The following MBNL3 variants were observed in gnomAD, a reference collection of about 807,000 sequenced individuals.
The protein encoded by MBNL3 is muscleblind like splicing regulator 3, also known as muscleblind-like protein 3.
Under a neutral mutation model 24.5 loss-of-function variants are expected in MBNL3, and 6 were observed. The observed-to-expected ratio is 0.25, with a 90% confidence interval of 0.13 to 0.48. The LOEUF (loss-of-function observed/expected upper bound fraction) is 0.48. Ranked by LOEUF, MBNL3 falls within the 20% of genes least tolerant of loss-of-function variation. The pLI is 0.99. For synonymous variants in MBNL3, 100 were observed against 101.7 expected (o/e 0.98, Z 0.10); for missense variants, 230 against 293.5 (o/e 0.78, Z 1.58).
In MBNL3 at chrX:132,372,491, AAAT is replaced by A. The variant is rs1933709057; in HGVS notation, c.*7172_*7174del. 9.3e-6 allele frequency: 1 copy of A among 107,835 alleles called. No individual in the cohort carries two copies. Among genetic ancestry groups the A allele is most frequent in the African/African-American group, 3.3e-5 (1 of 30,187 alleles). The allele number at this position is 107,835 out of a possible 1,213,427, so 8.9% of individuals were successfully genotyped here. ...AAATATTATTAATATTATAATATTA[AAAT>A]AATATTAAAATATTAATAAATAAGT... On this transcript the variant is annotated 3_prime_UTR_variant, in exon 9 of 9. Coordinates refer to ENST00000370853, the MANE Select transcript of MBNL3 (RefSeq NM_001386889.1).
rs185215752 is a variant in MBNL3 at position 132,461,804 on chromosome X, T to C, written c.-703-21490A>G. Among the ~76,000 whole-genome samples the C allele has an allele frequency of 2.4e-4, 27 of 111,767 alleles. No homozygotes were observed. The East Asian group carries it at 6.4e-3, about 27-fold the overall frequency. On this transcript the variant is annotated intron_variant, in intron 1 of 8. Transcript: ENST00000370853. Reference sequence around the variant, plus strand: ...GGAATATGGTATATCTAACAAGATATCCCAAGTGCAAAGCACTACATTGAT... The same window carrying C: ...GGAATATGGTATATCTAACAAGATACCCCAAGTGCAAAGCACTACATTGAT...
At chrX:132,475,324 G>A (rs1947380943) in intron 1 of MBNL3, among the ~76,000 whole-genome samples, 1 of 111,843 alleles carries the variant, frequency 8.9e-6, no homozygotes, top group Non-Finnish European at 1.9e-5. Flanking sequence ...GATTAGTGTT[G>A]GCTTGATTTA....
intron 1 of MBNL3, among the ~76,000 whole-genome samples, chrX:132,440,895 A>G (rs1311995891): frequency 2.7e-5 from 3 of 112,880 alleles, no homozygotes; most frequent in Non-Finnish European, 5.6e-5. Context: ...AGCTCTGAGT[A>G]TTAGAAAAAT....
At chrX:132,400,503 G>T (rs753132420) in intron 3 of MBNL3, among the ~76,000 whole-genome samples, 1 of 111,992 alleles carries the variant, frequency 8.9e-6, no homozygotes, top group Admixed American at 9.5e-5. Flanking sequence ...GATATGTGGG[G>T]TCTGAAGCTT....
At chrX:132,430,787 T>C (rs184469265) in intron 2 of MBNL3, 2 of 112,083 alleles carry the variant, frequency 1.8e-5, no homozygotes, top group East Asian at 5.6e-4. Context: ...TTTATTTATT[T>C]TAGAAACAGG....
chrX:132,411,777 A>T (rs190599724), intron 2 of MBNL3, among the ~76,000 whole-genome samples: 90 of 111,576 alleles, frequency 8.1e-4, no homozygotes, highest in African/African-American at 2.9e-3. Flanking sequence ...CTCCTCTATT[A>T]GACTTTGAGC....
At chrX:132,456,909 C>A (rs1021933827) in intron 1 of MBNL3, among the ~76,000 whole-genome samples, 2 of 111,651 alleles carry the variant, frequency 1.8e-5, no homozygotes, top group Non-Finnish European at 3.8e-5. Context: ...TTAAAATCAT[C>A]ATTCAAAAGA....
At chrX:132,487,160 CTTTTTTTT>C (rs952464194) in intron 1 of MBNL3, among the ~76,000 whole-genome samples, 35 of 108,578 alleles carry the variant, frequency 3.2e-4, no homozygotes, top group African/African-American at 1.1e-3. Flanking sequence ...TTCTTTTTTT[CTTTTTTTT>C]TAAGGATGCA....
chrX:132,427,365 T>C (rs894716442), intron 2 of MBNL3, among the ~76,000 whole-genome samples: 1 of 111,525 alleles, frequency 9.0e-6, no homozygotes, highest in East Asian at 2.8e-4. Flanking sequence ...TAGAACACTT[T>C]TTTTGGTTAG....
At chrX:132,483,963 C>CA (rs1463395345) in intron 1 of MBNL3, among the ~76,000 whole-genome samples, 2 of 112,203 alleles carry the variant, frequency 1.8e-5, no homozygotes, top group African/African-American at 3.2e-5. Context: ...CAGGAGGCAT[C>CA]AGAGTCACAG....
intron 3 of MBNL3, among the ~76,000 whole-genome samples, chrX:132,396,337 T>A (rs1238588081): frequency 1.5e-5 from 1 of 65,819 alleles, no homozygotes; most frequent in Non-Finnish European, 2.5e-5. Flanking sequence ...TATATATTCA[T>A]ATATATTCAT....
chrX:132,466,185 C>T (rs903337242), intron 1 of MBNL3, among the ~76,000 whole-genome samples: 1 of 112,041 alleles, frequency 8.9e-6, no homozygotes, highest in Non-Finnish European at 1.9e-5. Flanking sequence ...AACGTTGTTC[C>T]CCCTTAGACA....
chrX:132,416,491 C>T (rs753465711), intron 2 of MBNL3, among the ~76,000 whole-genome samples: 31 of 111,102 alleles, frequency 2.8e-4, no homozygotes, highest in Non-Finnish European at 4.5e-4. Flanking sequence ...AATACAATTA[C>T]GTAGAAGGAA....
intron 3 of MBNL3, among the ~76,000 whole-genome samples, chrX:132,398,544 CA>C (rs772595161): frequency 2.4e-4 from 27 of 111,884 alleles, no homozygotes; most frequent in African/African-American, 8.8e-4. Flanking sequence ...CCAAAGTCAT[CA>C]ATTTGTATAC....
At chrX:132,421,076 C>T (rs1266996830) in intron 2 of MBNL3, among the ~76,000 whole-genome samples, 1 of 111,442 alleles carries the variant, frequency 9.0e-6, no homozygotes, top group Non-Finnish European at 1.9e-5. Context: ...TTTAGATCAT[C>T]GGTAAATTAT....
chrX:132,396,814 A>T lies in MBNL3; in HGVS notation c.343-4480T>A, dbSNP rs866979111. Among the ~76,000 whole-genome samples the T allele has an allele frequency of 6.2e-4, 13 of 21,113 alleles. 1 individual carries two copies. The highest frequency in any genetic ancestry group is 1.4e-3 in the African/African-American group (6 of 4,386). 18.3% of individuals were successfully genotyped at this position (21,113 alleles called of 115,157 possible). A position where few individuals can be genotyped will look rare whatever the true frequency, so the allele number is the denominator to read the frequency against. ...TATATATTCATATATATTCATATAT[A>T]CATATATATATTCATATATATATTC... On this transcript the variant is annotated intron_variant, in intron 3 of 8. Coordinates refer to ENST00000370853, the MANE Select transcript of MBNL3 (RefSeq NM_001386889.1).
rs956408459 is a variant in MBNL3 at position 132,375,316 on chromosome X, G to A, written c.*4350C>T. On this transcript the variant is annotated 3_prime_UTR_variant, in exon 9 of 9. Coordinates refer to ENST00000370853, the MANE Select transcript of MBNL3 (RefSeq NM_001386889.1). The stretch of plus-strand genomic sequence containing the variant: ...AAAGTTAAATTTGTTCTTAAATTGT[G>A]AACTGTAAAGGATAGTTTTGGACTA... The A allele has an allele frequency of 9.0e-6, 1 of 111,315 alleles. No homozygotes were observed. Among genetic ancestry groups the A allele is most frequent in the African/African-American group, 3.3e-5 (1 of 30,692 alleles). 9.2% of individuals were successfully genotyped at this position (111,315 alleles called of 1,213,427 possible). A position where few individuals can be genotyped will look rare whatever the true frequency, so the allele number is the denominator to read the frequency against.
At chrX:132,417,022 T>A (rs910306796) in intron 2 of MBNL3, among the ~76,000 whole-genome samples, 1 of 112,042 alleles carries the variant, frequency 8.9e-6, no homozygotes, top group Non-Finnish European at 1.9e-5. Context: ...TAACTTTCAT[T>A]TTGGGATGAA....
intron 3 of MBNL3, among the ~76,000 whole-genome samples, chrX:132,403,765 C>A: frequency 9.0e-6 from 1 of 111,451 alleles, no homozygotes; most frequent in East Asian, 2.8e-4. Context: ...TACCCCACTT[C>A]TTGCTCTCTG....
Sources: allele counts gnomAD v4.1 joint callset (sites outside exome capture counted in the v4.1 genomes callset), GRCh38; gene constraint gnomAD v4.1.1; transcripts MANE v1.5; gene names NCBI Gene and HGNC (gene_info 2026-07-23, HGNC 2026-07-21).